DPYSL3: variants seen among roughly 807,000 people sequenced by gnomAD.
DPYSL3 encodes the protein dihydropyrimidinase-related protein 3.
In DPYSL3, 16 loss-of-function variants were observed where a neutral mutation model predicts 66.1. The observed-to-expected ratio is 0.24, with a 90% confidence interval of 0.16 to 0.37. The LOEUF is 0.37. Among genes scored for constraint, DPYSL3 ranks in the 10% least tolerant of loss-of-function variants. The probability of loss-of-function intolerance (pLI) is 1.00; values close to 1 mark genes in which losing one functional copy is unlikely to be tolerated. For synonymous variants in DPYSL3, 338 were observed against 345.1 expected (o/e 0.98, Z 0.23); for missense variants, 738 against 916.2 (o/e 0.81, Z 2.51).
At chr5:147,401,047 C>T (rs891006679) in intron 9 of DPYSL3, among the ~76,000 whole-genome samples, 8 of 152,150 alleles carry the variant, frequency 5.3e-5, no homozygotes, top group African/African-American at 1.9e-4. Flanking sequence ...GGGATTAGCT[C>T]ATCTCTTTTG....
At chr5:147,410,818 T>C (rs1263245275) in intron 6 of DPYSL3, among the ~76,000 whole-genome samples, 6 of 152,140 alleles carry the variant, frequency 3.9e-5, no homozygotes, top group Non-Finnish European at 7.4e-5. Context: ...GATAAAAATC[T>C]TTCTGCTCAA....
At chr5:147,485,720 C>G (rs577587293) in intron 1 of DPYSL3, among the ~76,000 whole-genome samples, 25 of 152,162 alleles carry the variant, frequency 1.6e-4, no homozygotes, top group Non-Finnish European at 2.6e-4. Context: ...AGGTTGGAAA[C>G]AGCACTGACC....
At chr5:147,430,528 A>T (rs1216968049) in intron 1 of DPYSL3, among the ~76,000 whole-genome samples, 2 of 151,668 alleles carry the variant, frequency 1.3e-5, no homozygotes, top group Non-Finnish European at 2.9e-5. Flanking sequence ...AAAAAAAGAA[A>T]AAAAAGGAAA....
At chr5:147,458,156 A>G (rs776628130) in intron 1 of DPYSL3, among the ~76,000 whole-genome samples, 3 of 152,212 alleles carry the variant, frequency 2.0e-5, no homozygotes, top group African/African-American at 4.8e-5. Context: ...ACTGGGCTGC[A>G]TTCCCAGATG....
intron 1 of DPYSL3, among the ~76,000 whole-genome samples, chr5:147,446,919 T>C (rs1561791597): frequency 1.3e-5 from 2 of 152,222 alleles, no homozygotes; most frequent in South Asian, 4.1e-4. Flanking sequence ...CTGGAGATAA[T>C]GGCTAATGGC....
At chr5:147,418,986 T>C (rs1470641512) in intron 2 of DPYSL3, among the ~76,000 whole-genome samples, 1 of 152,170 alleles carries the variant, frequency 6.6e-6, no homozygotes, top group Non-Finnish European at 1.5e-5. Context: ...AGGTGAGAAA[T>C]AACATTTGGA....
chr5:147,476,466 A>T (rs768208238), intron 1 of DPYSL3, among the ~76,000 whole-genome samples: 55 of 152,208 alleles, frequency 3.6e-4, no homozygotes, highest in Non-Finnish European at 7.6e-4. Flanking sequence ...GACAAAAATA[A>T]GCAGGAGAGC....
chr5:147,458,481 G>C (rs1352389442), intron 1 of DPYSL3, among the ~76,000 whole-genome samples: 1 of 152,182 alleles, frequency 6.6e-6, no homozygotes, highest in South Asian at 2.1e-4. Context: ...CCTCGGGGCT[G>C]CTCTGTTTAT....
chr5:147,411,733 A>G (rs1476964141), intron 6 of DPYSL3, among the ~76,000 whole-genome samples: 1 of 152,194 alleles, frequency 6.6e-6, no homozygotes, highest in East Asian at 1.9e-4. Flanking sequence ...TGCTGACCAC[A>G]TTCACCAAGT....
At chr5:147,473,803 C>A (rs1030512524) in intron 1 of DPYSL3, among the ~76,000 whole-genome samples, 2 of 151,962 alleles carry the variant, frequency 1.3e-5, no homozygotes, top group African/African-American at 4.8e-5. Flanking sequence ...ACCTTGGGGA[C>A]CTTTCTGAAT....
At chr5:147,453,623 C>T (rs1460363087) in intron 1 of DPYSL3, 42 of 1,523,874 alleles carry the variant, frequency 2.8e-5, no homozygotes, top group South Asian at 5.0e-5. Context: ...GGCTCCCTCC[C>T]TCCTTCTTCT....
chr5:147,441,099 G>T (rs2126371166), intron 1 of DPYSL3, among the ~76,000 whole-genome samples: 1 of 152,082 alleles, frequency 6.6e-6, no homozygotes, highest in South Asian at 2.1e-4. Flanking sequence ...TTTTATTTGG[G>T]GCTCCCTTTT....
rs1198489018 is a variant in DPYSL3, at chr5:147,499,964, T to C, written c.381+9514A>G. On this transcript the variant is annotated intron_variant, in intron 1 of 13. Transcript: ENST00000343218. ...AAAATATAATATTTCCAACAAATAG[T>C]ATTAAAACAACTGGACACCTATGTG... Among the ~76,000 whole-genome samples the C allele has an allele frequency of 2.6e-5, 4 of 152,196 alleles. No individual in the cohort carries two copies. In the East Asian group the frequency reaches 7.7e-4, roughly 29 times the overall value.
Position 147,401,577 on chromosome 5 carries a change from G to A in DPYSL3, c.1273C>T (p.Pro425Ser). Residue 425 changes from proline to serine, a missense_variant, in exon 9 of 14, where the codon CCA becomes TCA. Pro to Ser is a moderately conservative substitution (Grantham distance 74). Transcript: ENST00000343218. ...FVTSPPLSPDPTTPDYINSLL... is the reference protein window; with the variant it reads ...FVTSPPLSPDSTTPDYINSLL... ...GAGTTGATGTAGTCCGGAGTAGTTGGGTCAGGGCTCAGGGGTGGGGATGTC... is the reference window on the plus strand; with the variant it reads ...GAGTTGATGTAGTCCGGAGTAGTTGAGTCAGGGCTCAGGGGTGGGGATGTC... 6.2e-7 allele frequency: 1 copy of A among 1,613,702 alleles called. No individual in the cohort carries two copies. Among genetic ancestry groups the A allele is most frequent in the Middle Eastern group, 1.7e-4 (1 of 6,058 alleles).
chr5:147,466,810 A>C (rs1753016236), intron 1 of DPYSL3, among the ~76,000 whole-genome samples: 1 of 152,146 alleles, frequency 6.6e-6, no homozygotes, highest in Admixed American at 6.5e-5. Flanking sequence ...CAGCTATAGC[A>C]AATGTTCCAG....
chr5:147,404,131 G>T (rs1467728683), intron 8 of DPYSL3, among the ~76,000 whole-genome samples: 2 of 151,982 alleles, frequency 1.3e-5, no homozygotes, highest in African/African-American at 4.8e-5. Context: ...TCTTTTCTTT[G>T]CTTTTCTCCA....
At position 147,394,679 on chromosome 5, in the gene DPYSL3, C is replaced by CA. The variant is rs1314031719; in HGVS notation, c.1967-557dup. Among the ~76,000 whole-genome samples the CA allele has an allele frequency of 3.3e-4, 45 of 137,132 alleles. 1 individual carries two copies. Among genetic ancestry groups the CA allele is most frequent in the African/African-American group, 1.1e-3 (41 of 35,906 alleles). 90.0% of individuals were successfully genotyped at this position (137,132 alleles called of 152,430 possible). The stretch of plus-strand genomic sequence containing the variant: ...AATTAAGGTAGCCAGAGAACAACAA[C>CA]AACAAAAAAAAAAAGGCAAAAACTT... On this transcript the variant is annotated intron_variant, in intron 13 of 13. Coordinates refer to ENST00000343218, the MANE Select transcript of DPYSL3 (RefSeq NM_001197294.2).
intron 2 of DPYSL3, among the ~76,000 whole-genome samples, chr5:147,419,211 G>C (rs982340382): frequency 6.6e-6 from 1 of 152,120 alleles, no homozygotes; most frequent in Non-Finnish European, 1.5e-5. Context: ...ACAGCTGATG[G>C]CAGATTCACC....
At chr5:147,457,009 C>A (rs1752862629) in intron 1 of DPYSL3, among the ~76,000 whole-genome samples, 1 of 151,890 alleles carries the variant, frequency 6.6e-6, no homozygotes, top group South Asian at 2.1e-4. Context: ...TAACTGGGTT[C>A]TCTTCCTCAC....
Sources: gnomAD v4.1 joint callset for allele counts (sites outside exome capture counted in the v4.1 genomes callset) on GRCh38, gnomAD v4.1.1 for gene constraint, MANE v1.5 for transcripts, NCBI Gene and HGNC (gene_info 2026-07-23, HGNC 2026-07-21) for gene names.